The following CPNE4 variants were observed in gnomAD, a reference collection of about 807,000 sequenced individuals.
CPNE4 encodes copine-4.
Under a neutral mutation model 67.9 loss-of-function variants are expected in CPNE4, and 25 were observed. That is an observed-to-expected ratio of 0.37 (90% CI 0.27 to 0.51). The LOEUF is 0.51. CPNE4 is among the 20% of genes least tolerant of loss of function. The pLI, the probability that CPNE4 is intolerant of heterozygous loss-of-function variation, is 0.93. For missense variants in CPNE4, 464 were observed against 690.8 expected (o/e 0.67, Z 3.68); for synonymous variants, 242 against 244.9 (o/e 0.99, Z 0.11).
intron 2 of CPNE4, among the ~76,000 whole-genome samples, chr3:131,749,427 G>A (rs11925730): frequency 6.6e-6 from 1 of 151,826 alleles, no homozygotes; most frequent in Non-Finnish European, 1.5e-5. Context: ...TGTACATGTT[G>A]CTGGTTTGGA....
chr3:131,801,370 AC>A (rs1363579430), intron 2 of CPNE4, among the ~76,000 whole-genome samples: 1,480 of 118,652 alleles, frequency 0.012, 36 homozygotes, highest in African/African-American at 0.037. Context: ...ATATATATGT[AC>A]CATATATATA....
chr3:131,602,464 T>C (rs1375805412), intron 7 of CPNE4, among the ~76,000 whole-genome samples: 2 of 152,178 alleles, frequency 1.3e-5, no homozygotes, highest in African/African-American at 4.8e-5. Flanking sequence ...CTTTATCTTG[T>C]CAGTTCACAC....
intron 2 of CPNE4, among the ~76,000 whole-genome samples, chr3:131,747,288 A>C (rs2082515409): frequency 6.6e-6 from 1 of 151,610 alleles, no homozygotes. Context: ...GTTTGATATA[A>C]TCCATTTGTC....
rs371737129 is a variant in CPNE4 at position 131,723,491 on chromosome 3, C to T, written c.315G>A (p.Leu105=). ...VHDISSNHNG[L]KEADFLGGME... is the part of the protein sequence containing the mutation. ...TGCCACCAAGGAAGTCGGCCTCCTT[C>T]AGCCCATTGTGGTTGCTGCTGATGT... Residue 105 remains leucine, a synonymous_variant, in exon 3 of 16, where the codon CTG becomes CTA. Transcript: ENST00000429747. The T allele has an allele frequency of 1.2e-5, 20 of 1,613,678 alleles. No homozygotes were observed. In the African/African-American group the frequency reaches 2.3e-4, roughly 18 times the overall value.
chr3:131,643,990 G>A (rs1411190023), intron 7 of CPNE4, among the ~76,000 whole-genome samples: 1 of 152,136 alleles, frequency 6.6e-6, no homozygotes, highest in Non-Finnish European at 1.5e-5. Context: ...AGCAGCGCGA[G>A]AGTGGACTAA....
chr3:131,687,297 G>A (rs1046117396), intron 5 of CPNE4, among the ~76,000 whole-genome samples: 1 of 152,120 alleles, frequency 6.6e-6, no homozygotes, highest in African/African-American at 2.4e-5. Context: ...TCTCAAAGAG[G>A]AGAAACTTTA....
intron 2 of CPNE4, among the ~76,000 whole-genome samples, chr3:131,752,440 G>A (rs1033479739): frequency 1.3e-5 from 2 of 152,086 alleles, no homozygotes; most frequent in African/African-American, 2.4e-5. Context: ...AATGTTTGCT[G>A]GTTGTTGGCT....
intron 14 of CPNE4, among the ~76,000 whole-genome samples, chr3:131,544,648 G>A (rs1935719102): frequency 6.6e-6 from 1 of 152,170 alleles, no homozygotes; most frequent in Non-Finnish European, 1.5e-5. Context: ...TGATGGAGGT[G>A]GTAGGGAGGT....
chr3:131,985,281 A>G (rs2073014310), intron 1 of CPNE4, among the ~76,000 whole-genome samples: 1 of 152,276 alleles, frequency 6.6e-6, no homozygotes, highest in Middle Eastern at 3.4e-3. Flanking sequence ...AGATTTCAAC[A>G]TATCAGTTTT....
At chr3:131,897,745 A>G (rs2088392821) in intron 2 of CPNE4, among the ~76,000 whole-genome samples, 1 of 152,054 alleles carries the variant, frequency 6.6e-6, no homozygotes, top group Admixed American at 6.6e-5. Context: ...AAATAAAATT[A>G]GCCAGGTGTG....
chr3:131,566,597 T>C (rs376944996), intron 10 of CPNE4, among the ~76,000 whole-genome samples: 1 of 151,902 alleles, frequency 6.6e-6, no homozygotes, highest in African/African-American at 2.4e-5. Context: ...TCCAAACTCA[T>C]GCAGATAATT....
chr3:131,649,539 TG>T (rs2079755458), intron 7 of CPNE4, among the ~76,000 whole-genome samples: 1 of 152,224 alleles, frequency 6.6e-6, no homozygotes, highest in Admixed American at 6.5e-5. Flanking sequence ...CTAGAAGAAC[TG>T]GCTTTATTCT....
At chr3:131,796,414 T>C (rs373518291) in intron 2 of CPNE4, among the ~76,000 whole-genome samples, 14 of 152,306 alleles carry the variant, frequency 9.2e-5, no homozygotes, top group African/African-American at 3.1e-4. Flanking sequence ...ACACATTCAT[T>C]GATTCTGGGC....
chr3:131,932,907 C>A (rs1349997437), intron 1 of CPNE4, among the ~76,000 whole-genome samples: 1 of 151,948 alleles, frequency 6.6e-6, no homozygotes, highest in African/African-American at 2.4e-5. Context: ...TGTAATCCCA[C>A]CTACTCGGGA....
At chr3:131,785,076 C>T (rs1040560909) in intron 2 of CPNE4, among the ~76,000 whole-genome samples, 6 of 152,078 alleles carry the variant, frequency 3.9e-5, no homozygotes, top group African/African-American at 1.2e-4. Flanking sequence ...AGACCTAACT[C>T]AGAGGCTTGG....
intron 1 of CPNE4, among the ~76,000 whole-genome samples, chr3:132,014,351 T>C (rs1421176148): frequency 2.6e-5 from 4 of 151,128 alleles, no homozygotes; most frequent in African/African-American, 9.7e-5. Flanking sequence ...ACTCCTCATC[T>C]CTCTCTCTCC....
intron 7 of CPNE4, among the ~76,000 whole-genome samples, chr3:131,622,045 G>A (rs796163385): frequency 0.025 from 3,421 of 139,160 alleles, 43 homozygotes; most frequent in Middle Eastern, 0.07. Context: ...AAAAAGAAAA[G>A]AAAAAAAGAA....
chr3:131,877,334 G>A (rs2087500422), intron 2 of CPNE4, among the ~76,000 whole-genome samples: 1 of 152,160 alleles, frequency 6.6e-6, no homozygotes, highest in Non-Finnish European at 1.5e-5. Flanking sequence ...CAAAAATGCA[G>A]AAAGCTCTCT....
chr3:131,808,550 T>C (rs1333323610), intron 2 of CPNE4, among the ~76,000 whole-genome samples: 1 of 152,166 alleles, frequency 6.6e-6, no homozygotes, highest in African/African-American at 2.4e-5. Flanking sequence ...AATTATTTTT[T>C]AAGAATTGGT....
Sources: allele counts gnomAD v4.1 joint callset (sites outside exome capture counted in the v4.1 genomes callset), GRCh38; gene constraint gnomAD v4.1.1; transcripts MANE v1.5; gene names NCBI Gene and HGNC (gene_info 2026-07-23, HGNC 2026-07-21).